ATP6V1E2: variants seen among roughly 807,000 people sequenced by gnomAD.
The protein encoded by ATP6V1E2 is V-type proton ATPase subunit E 2.
For missense variants in ATP6V1E2, 308 were observed against 273.3 expected (o/e 1.13, Z -0.90); for synonymous variants, 121 against 104.2 (o/e 1.16, Z -0.98).
intron 4 of ATP6V1E2, among the ~76,000 whole-genome samples, chr2:46,531,537 A>T (rs1260169106): frequency 6.6e-6 from 1 of 152,240 alleles, no homozygotes; most frequent in Non-Finnish European, 1.5e-5. Flanking sequence ...TCTTTTGGAT[A>T]TATACCTAGC....
At chr2:46,540,613 CTTTTTTTTTT>C (rs59810518) in intron 2 of ATP6V1E2, among the ~76,000 whole-genome samples, 9 of 115,666 alleles carry the variant, frequency 7.8e-5, no homozygotes, top group Admixed American at 3.3e-4. Flanking sequence ...TTTTCTGTAA[CTTTTTTTTTT>C]TTTTTTTTTT....
chr2:46,520,367 C>T lies in ATP6V1E2; in HGVS notation c.-101-7555G>A, dbSNP rs75751213. 3.3e-3 allele frequency among the ~76,000 whole-genome samples: 499 copies of T among 152,354 alleles called. 4 individuals carry two copies. Among genetic ancestry groups the T allele is most frequent in the African/African-American group, 0.011 (461 of 41,592 alleles). Reference sequence around the variant, plus strand: ...AACCAAGAAATGTGAAACGCACATGCCTGTCCTTATACGAGGGCTCAGACA... The same window carrying T: ...AACCAAGAAATGTGAAACGCACATGTCTGTCCTTATACGAGGGCTCAGACA... On this transcript the variant is annotated intron_variant, in intron 4 of 4. Transcript: ENST00000522587.
At chr2:46,533,207 A>G (rs1277976933) in intron 4 of ATP6V1E2, among the ~76,000 whole-genome samples, 1 of 5,938 alleles carries the variant, frequency 1.7e-4, no homozygotes, top group East Asian at 0.014. Flanking sequence ...GTATGTGTAG[A>G]TAGATAGATA....
chr2:46,519,174 G>T (rs958290174), intron 4 of ATP6V1E2: 1 of 152,316 alleles, frequency 6.6e-6, no homozygotes, highest in Non-Finnish European at 1.5e-5. Context: ...CCGGGGCCAT[G>T]ACGGGGGTTA....
chr2:46,517,915 T>C (rs2103843371), intron 4 of ATP6V1E2, among the ~76,000 whole-genome samples: 1 of 152,342 alleles, frequency 6.6e-6, no homozygotes, highest in African/African-American at 2.4e-5. Flanking sequence ...GGTGGGAATG[T>C]AAAATGATGC....
chr2:46,518,756 TTTTGTGTGTGTGTGTGTGTGTGTGTG>T (rs1171942444), intron 4 of ATP6V1E2, among the ~76,000 whole-genome samples: 30 of 115,342 alleles, frequency 2.6e-4, no homozygotes, highest in Non-Finnish European at 3.5e-4. Flanking sequence ...GACAAGTCAA[TTTTGTGTGTGTGTGTGTGTGTGTGTG>T]TGTGTGTGTG....
chr2:46,537,258 G>C (rs535881128), intron 2 of ATP6V1E2: 2 of 152,186 alleles, frequency 1.3e-5, no homozygotes, highest in Admixed American at 1.3e-4. Flanking sequence ...CAGCCCCTGT[G>C]GGGGCAGGGC....
Position 46,512,226 on chromosome 2 carries a change from A to T in ATP6V1E2, c.486T>A (p.His162Gln). Residue 162 changes from histidine to glutamine, a missense_variant, in exon 5 of 5, where the codon CAT becomes CAA. His to Gln is a conservative substitution (Grantham distance 24). Transcript: ENST00000522587. Reference protein sequence around the residue: ...IPEYMTISQKHVEVQIDKEAY... With the variant: ...IPEYMTISQKQVEVQIDKEAY... ...CCTCTTTATCAATCTGGACCTCCAC[A>T]TGTTTCTGGGAAATTGTCATGTACT... The T allele has an allele frequency of 6.2e-7, 1 of 1,613,972 alleles. No individual in the cohort carries two copies. The highest frequency in any genetic ancestry group is 8.5e-7 in the Non-Finnish European group (1 of 1,179,972).
In ATP6V1E2 at chr2:46,523,416, G is replaced by A. The variant is rs1666738406; in HGVS notation, c.-101-10604C>T. Among the ~76,000 whole-genome samples the A allele has an allele frequency of 3.9e-5, 6 of 152,142 alleles. No homozygotes were observed. In the South Asian group the frequency reaches 1.2e-3, roughly 32 times the overall value. On this transcript the variant is annotated intron_variant, in intron 4 of 4. Transcript: ENST00000522587. ...CCATCTCAAGTTAATTTTTACATAA[G>A]GTGTAAGGAAGGGGTCCAGTTTCAG...
At chr2:46,521,061 T>C (rs1489670497) in intron 4 of ATP6V1E2, among the ~76,000 whole-genome samples, 4 of 152,172 alleles carry the variant, frequency 2.6e-5, no homozygotes, top group Non-Finnish European at 5.9e-5. Flanking sequence ...TGATTGTATA[T>C]CTGTGGGCGT....
chr2:46,512,617 G>T lies in ATP6V1E2; in HGVS notation c.95C>A (p.Ala32Asp). 1 of 1,614,140 alleles carries T rather than the reference G, an allele frequency of 6.2e-7. No individual in the cohort carries two copies. The highest frequency in any genetic ancestry group is 8.5e-7 in the Non-Finnish European group (1 of 1,180,040). The change falls in exon 5 of 5, where the codon GCC (alanine) becomes GAC (aspartate). Residue 32 changes from alanine (A) to aspartate (D), a missense_variant. By Grantham distance (126) the Ala-to-Asp change is moderately radical. Transcript: ENST00000522587. ...AATGTTAAACTCTTCCTCAGCCTTG[G>T]CATCGATTTCCTCTGCTTTCTCATT... is the stretch of plus-strand genomic sequence containing the variant. ...EANEKAEEID[A>D]KAEEEFNIEK...
chr2:46,537,147 A>G (rs573157670), intron 2 of ATP6V1E2, among the ~76,000 whole-genome samples: 6 of 152,274 alleles, frequency 3.9e-5, no homozygotes, highest in African/African-American at 1.4e-4. Flanking sequence ...CCCTTAGGCA[A>G]TAATGTAGAT....
intron 4 of ATP6V1E2, chr2:46,527,832 G>C (rs1422636152): frequency 6.6e-6 from 1 of 152,096 alleles, no homozygotes; most frequent in Admixed American, 6.5e-5. Context: ...ATCTTCTTTG[G>C]AAACTGTCTA....
intron 4 of ATP6V1E2, among the ~76,000 whole-genome samples, chr2:46,531,281 C>T (rs1667168372): frequency 6.6e-6 from 1 of 152,222 alleles, no homozygotes; most frequent in Non-Finnish European, 1.5e-5. Context: ...AAACATACAA[C>T]ATATAGCATT....
At chr2:46,537,133 T>C (rs188044632) in intron 2 of ATP6V1E2, among the ~76,000 whole-genome samples, 6 of 152,188 alleles carry the variant, frequency 3.9e-5, no homozygotes, top group Non-Finnish European at 8.8e-5. Context: ...CCTAGGAACG[T>C]TGACCCTTAG....
intron 4 of ATP6V1E2, among the ~76,000 whole-genome samples, chr2:46,521,783 T>G (rs1389700093): frequency 2.0e-5 from 3 of 152,050 alleles, no homozygotes; most frequent in African/African-American, 7.2e-5. Context: ...CTCTGCCTCC[T>G]GGGTTCAAGC....
At position 46,542,323 on chromosome 2, in the gene ATP6V1E2, A is replaced by G. The variant is rs180924431; in HGVS notation, c.-480T>C. On this transcript the variant is annotated 5_prime_UTR_variant, in exon 1 of 5. The change abolishes an upstream ATG in the 5' untranslated region. Transcript: ENST00000522587. ...GTGAAATATGCATGTATAATTTGGC[A>G]TGACTATTGCGTCATCGTGGAGGTC... is the stretch of plus-strand genomic sequence containing the variant. 2 of 151,440 alleles carry G rather than the reference A, an allele frequency of 1.3e-5. No homozygotes were observed. The highest frequency in any genetic ancestry group is 3.9e-4 in the East Asian group (2 of 5,122). 9.4% of individuals were successfully genotyped at this position (151,440 alleles called of 1,614,324 possible).
At chr2:46,539,196 A>G (rs922150442) in intron 2 of ATP6V1E2, among the ~76,000 whole-genome samples, 29 of 152,304 alleles carry the variant, frequency 1.9e-4, no homozygotes, top group African/African-American at 7.0e-4. Context: ...TGTTTGGGGG[A>G]TGAAATAAGA....
rs1359940539 is a variant in ATP6V1E2 at position 46,512,539 on chromosome 2, T to G, written c.173A>C (p.Glu58Ala). The G allele has an allele frequency of 6.2e-7, 1 of 1,614,230 alleles. No individual in the cohort carries two copies. The highest frequency in any genetic ancestry group is 1.7e-5 in the Admixed American group (1 of 60,032). Reference protein sequence around the residue: ...TQRLKIMEYYEKKEKQIEQQK... With the variant: ...TQRLKIMEYYAKKEKQIEQQK... ...CTGCTCTATCTGCTTCTCCTTTTTC[T>G]CATAATACTCCATAATCTTCAGTCG... Residue 58 changes from glutamate to alanine, a missense_variant, in exon 5 of 5, where the codon GAG becomes GCG. Coordinates refer to ENST00000522587, the MANE Select transcript of ATP6V1E2 (RefSeq NM_001318063.2).
Sources: gnomAD v4.1 joint callset for allele counts (sites outside exome capture counted in the v4.1 genomes callset) on GRCh38, gnomAD v4.1.1 for gene constraint, MANE v1.5 for transcripts, NCBI Gene and HGNC (gene_info 2026-07-23, HGNC 2026-07-21) for gene names.